Variants in MIA2 observed in about 807,000 individuals in gnomAD.
MIA2 encodes the protein MIA SH3 domain ER export factor 2, also known as melanoma inhibitory activity protein 2.
In MIA2, 127 loss-of-function variants were observed where a neutral mutation model predicts 167.8. The ratio of observed to expected loss-of-function variants is 0.76; its 90% CI spans 0.66 to 0.88. The LOEUF is 0.88. MIA2 is among the 40% of genes least tolerant of loss of function. The probability of loss-of-function intolerance (pLI) is 0.00; values close to 1 mark genes in which losing one functional copy is unlikely to be tolerated. For missense variants in MIA2, 1,690 were observed against 1,624.7 expected, an observed-to-expected ratio of 1.04 and a Z score of -0.69; for synonymous variants, 552 against 541.9, an observed-to-expected ratio of 1.02 and a Z score of -0.26.
chr14:39,325,610 G>T (rs561457143), intron 24 of MIA2, among the ~76,000 whole-genome samples: 1 of 151,432 alleles, frequency 6.6e-6, no homozygotes, highest in Non-Finnish European at 1.5e-5. Context: ...CTTGTGACCC[G>T]CCCGCCTTGA....
intron 23 of MIA2, among the ~76,000 whole-genome samples, chr14:39,362,255 G>A (rs188502618): frequency 8.5e-5 from 13 of 152,248 alleles, no homozygotes; most frequent in African/African-American, 2.6e-4. Context: ...AATAGTTTGA[G>A]GAGAATTGGT....
At chr14:39,308,211 C>T (rs73277478) in intron 17 of MIA2, among the ~76,000 whole-genome samples, 2,968 of 152,018 alleles carry the variant, frequency 0.02, 104 homozygotes, top group African/African-American at 0.067. Context: ...TATTACACAT[C>T]GAATACCTAT....
chr14:39,319,181 CT>C, intron 22 of MIA2, 27 bp from the exon 23 acceptor site: 2 of 1,343,972 alleles, frequency 1.5e-6, no homozygotes, highest in Non-Finnish European at 1.0e-6. Flanking sequence ...GGATGAGTAA[CT>C]TAGAGATGTT....
chr14:39,357,459 A>T (rs2074559156), intron 23 of MIA2, among the ~76,000 whole-genome samples: 1 of 151,810 alleles, frequency 6.6e-6, no homozygotes, highest in Admixed American at 6.6e-5. Flanking sequence ...TGCATGTGAG[A>T]TGGGTTTCCT....
At chr14:39,234,260 C>T in intron 1 of MIA2, 31 bp downstream of exon 1, 4 of 1,383,500 alleles carry the variant, frequency 2.9e-6, no homozygotes, top group Non-Finnish European at 4.1e-6. Flanking sequence ...TCTTCTCCTC[C>T]TAAATTGAGG....
At chr14:39,385,330 A>C in intron 23 of MIA2, 1 of 780,618 alleles carries the variant, frequency 1.3e-6, no homozygotes, top group Non-Finnish European at 2.2e-6. Context: ...TCTTTAAAAA[A>C]AAAAGTTCAG....
intron 25 of MIA2, among the ~76,000 whole-genome samples, chr14:39,331,111 T>A (rs1341173101): frequency 6.6e-6 from 1 of 152,172 alleles, no homozygotes; most frequent in Non-Finnish European, 1.5e-5. Flanking sequence ...TGTAGGTCTC[T>A]AAGAACTTGC....
intron 18 of MIA2, among the ~76,000 whole-genome samples, chr14:39,309,307 G>A (rs1039193826): frequency 2.0e-5 from 3 of 152,130 alleles, no homozygotes; most frequent in African/African-American, 7.2e-5. Context: ...ATCCCTGAGT[G>A]CCTTTATATC....
intron 13 of MIA2, among the ~76,000 whole-genome samples, chr14:39,298,588 C>T (rs1401485416): frequency 4.3e-5 from 4 of 93,260 alleles, no homozygotes; most frequent in South Asian, 3.5e-4. Flanking sequence ...CACCTGGGTG[C>T]GCAGGCGGGC....
intron 25 of MIA2, among the ~76,000 whole-genome samples, chr14:39,334,483 A>T (rs1364258413): frequency 3.3e-5 from 5 of 151,768 alleles, no homozygotes; most frequent in Non-Finnish European, 7.4e-5. Context: ...AAAAAAAAAT[A>T]AAAAAATGGT....
chr14:39,356,742 G>A (rs189680548), intron 23 of MIA2, among the ~76,000 whole-genome samples: 2 of 152,254 alleles, frequency 1.3e-5, no homozygotes, highest in East Asian at 3.9e-4. Context: ...AGAGATTCTG[G>A]TATGTTGTAT....
In MIA2 at chr14:39,379,924, AAAC is replaced by A. The variant is rs201470433; in HGVS notation, c.2249-6949_2249-6947del. On this transcript the variant is annotated intron_variant, in intron 23 of 23. Transcript: ENST00000341502. ...TCTCAGTTTTCCTAAGGCAAACAAA[AAAC>A]AACAACAACAAAAACCCCACCACCT... Among the ~76,000 whole-genome samples, 929 of 151,570 alleles carry A rather than the reference AAAC, an allele frequency of 6.1e-3. 8 individuals carry two copies. The highest frequency in any genetic ancestry group is 0.021 in the African/African-American group (883 of 41,274).
At chr14:39,309,420 A>G (rs528581330) in intron 18 of MIA2, among the ~76,000 whole-genome samples, 58 of 152,214 alleles carry the variant, frequency 3.8e-4, no homozygotes, top group African/African-American at 1.3e-3. Context: ...TTTTCCTCTC[A>G]GTACCCTCCA....
rs1330693299 is a variant in MIA2, at chr14:39,348,829, A to C, written c.3924A>C (p.Arg1308Ser). ...TTCCTCCACCTCTTGCTCCAATCAGAGGTCCATTGTTTCCAGTGGATGCAA... is the reference window on the plus strand; with the variant it reads ...TTCCTCCACCTCTTGCTCCAATCAGCGGTCCATTGTTTCCAGTGGATGCAA... ...GFVPPPLAPI[R>S]GPLFPVDARG... Residue 1308 changes from arginine (R) to serine (S), a missense_variant, in exon 28 of 29, where the codon AGA becomes AGC. Physicochemically the swap from Arg to Ser is moderately radical, Grantham distance 110. Coordinates refer to ENST00000640607, the MANE Select transcript of MIA2 (RefSeq NM_001329214.4). 7 of 1,613,874 alleles carry C rather than the reference A, an allele frequency of 4.3e-6. No individual in the cohort carries two copies. The African/African-American group carries it at 5.3e-5, about 12-fold the overall frequency.
chr14:39,314,429 A>T (rs936352331), intron 19 of MIA2, among the ~76,000 whole-genome samples: 3 of 151,596 alleles, frequency 2.0e-5, no homozygotes, highest in Non-Finnish European at 2.9e-5. Flanking sequence ...ATCTTCTAGG[A>T]TCATTCTTCT....
intron 23 of MIA2, among the ~76,000 whole-genome samples, chr14:39,356,874 C>T (rs186731988): frequency 5.9e-5 from 9 of 152,318 alleles, no homozygotes; most frequent in Admixed American, 1.3e-4. Context: ...GAGTGAGTTT[C>T]TTAATCCTGA....
rs377735721 is a variant in MIA2, at chr14:39,330,909, T to C, written c.3655+3887T>C. ...GTGGTTGATTTTAGAATAAGTGCTA[T>C]GTGGCACTGAGAAAAATGTATATTT... On this transcript the variant is annotated intron_variant, in intron 25 of 28. Transcript: ENST00000640607. Among the ~76,000 whole-genome samples, 8 of 152,180 alleles carry C rather than the reference T, an allele frequency of 5.3e-5. No homozygotes were observed. In the East Asian group the frequency reaches 1.2e-3, roughly 22 times the overall value.
intron 23 of MIA2, among the ~76,000 whole-genome samples, chr14:39,379,609 T>G (rs1356986233): frequency 2.6e-5 from 4 of 152,044 alleles, no homozygotes; most frequent in African/African-American, 9.6e-5. Context: ...CCCAGCACTT[T>G]GGGAGGCTGA....
rs573314938 is a variant in MIA2, at chr14:39,263,535, T to G, written c.1887+10364T>G. Among the ~76,000 whole-genome samples the G allele has an allele frequency of 1.1e-4, 17 of 150,028 alleles. 1 individual carries two copies. In the South Asian group the frequency reaches 2.7e-3, roughly 24 times the overall value. On this transcript the variant is annotated intron_variant, in intron 6 of 28. Coordinates refer to ENST00000640607, the MANE Select transcript of MIA2 (RefSeq NM_001329214.4). ...CAGGCTTGAGCCATCATGCCCAGCA[T>G]CTTTCTTTTCTTTTCTTTCTTCTTT...
Sources: gnomAD v4.1 joint callset for allele counts (sites outside exome capture counted in the v4.1 genomes callset) on GRCh38, gnomAD v4.1.1 for gene constraint, MANE v1.5 for transcripts, NCBI Gene and HGNC (gene_info 2026-07-23, HGNC 2026-07-21) for gene names.